Variants in ABCC4 observed in about 807,000 individuals in gnomAD.
ABCC4 encodes ATP binding cassette subfamily C member 4 (PEL blood group), also known as ATP-binding cassette sub-family C member 4.
A neutral mutation model predicts 168.5 loss-of-function variants in ABCC4; 102 were observed. The ratio of observed to expected loss-of-function variants is 0.61; its 90% CI spans 0.52 to 0.71. The LOEUF is 0.71. Among genes scored for constraint, ABCC4 ranks in the 30% least tolerant of loss-of-function variants. The probability of loss-of-function intolerance (pLI) is 0.00; values close to 1 mark genes in which losing one functional copy is unlikely to be tolerated. For missense variants in ABCC4, 1,402 were observed against 1,605.8 expected (o/e 0.87, Z 2.17); for synonymous variants, 617 against 590.7 (o/e 1.04, Z -0.65).
At position 95,092,338 on chromosome 13, in the gene ABCC4, A is replaced by T. The variant is rs369718006; in HGVS notation, c.2536-9048T>A. Among the ~76,000 whole-genome samples the T allele has an allele frequency of 2.3e-4, 35 of 152,326 alleles. No homozygotes were observed. The East Asian group carries it at 5.6e-3, about 24-fold the overall frequency. ...TTAACATACATAAATAGAACATTTC[A>T]TCCAACAACTGCAGAATACACATTC... is the stretch of plus-strand genomic sequence containing the variant. On this transcript the variant is annotated intron_variant, in intron 20 of 30. Transcript: ENST00000645237.
At chr13:95,208,899 C>T (rs1397491092) in intron 6 of ABCC4, among the ~76,000 whole-genome samples, 3 of 152,076 alleles carry the variant, frequency 2.0e-5, no homozygotes, top group Non-Finnish European at 2.9e-5. Context: ...GGATTACAGG[C>T]TTCAGCCACC....
intron 1 of ABCC4, among the ~76,000 whole-genome samples, chr13:95,254,297 C>A (rs1243066119): frequency 2.0e-5 from 3 of 152,106 alleles, no homozygotes; most frequent in African/African-American, 7.2e-5. Flanking sequence ...TAAATCTAGT[C>A]TTAATAAGCT....
At chr13:95,067,805 A>G (rs1189736080) in intron 25 of ABCC4, among the ~76,000 whole-genome samples, 1 of 152,216 alleles carries the variant, frequency 6.6e-6, no homozygotes, top group African/African-American at 2.4e-5. Context: ...AGCTTTGAGC[A>G]AGGAAAAAAA....
chr13:95,175,306 A>T (rs564938308), intron 13 of ABCC4, among the ~76,000 whole-genome samples: 194 of 150,618 alleles, frequency 1.3e-3, no homozygotes, highest in African/African-American at 4.2e-3. Flanking sequence ...CTTTTTTAAA[A>T]TTTTTTTTTT....
intron 19 of ABCC4, among the ~76,000 whole-genome samples, chr13:95,154,980 A>G (rs936285439): frequency 2.0e-5 from 3 of 152,204 alleles, no homozygotes; most frequent in Middle Eastern, 3.2e-3. Flanking sequence ...GGATATGGAC[A>G]TCAGATTTTA....
At chr13:95,287,672 G>A (rs905781958) in intron 1 of ABCC4, among the ~76,000 whole-genome samples, 1 of 151,896 alleles carries the variant, frequency 6.6e-6, no homozygotes, top group Non-Finnish European at 1.5e-5. Context: ...GACCTCTTGA[G>A]GCCATAAATT....
chr13:95,112,537 T>C (rs2035241024), intron 20 of ABCC4, among the ~76,000 whole-genome samples: 1 of 152,186 alleles, frequency 6.6e-6, no homozygotes, highest in Non-Finnish European at 1.5e-5. Flanking sequence ...GATTTTAATC[T>C]TCATTCTATT....
At chr13:95,025,194 CCACACACCCCCACACCCCCCA>C (rs2031357952) in intron 30 of ABCC4, among the ~76,000 whole-genome samples, 1 of 102,070 alleles carries the variant, frequency 9.8e-6, no homozygotes, top group African/African-American at 6.0e-5. Context: ...CACACCCACA[CCACACACCCCCACACCCCCCA>C]CACACCCCCA....
At chr13:95,266,130 G>C (rs2040666961) in intron 1 of ABCC4, 1 of 152,224 alleles carries the variant, frequency 6.6e-6, no homozygotes, top group Non-Finnish European at 1.5e-5. Context: ...GTAAAGAATT[G>C]AATGTTATTT....
At chr13:95,191,118 C>T (rs2038238522) in intron 9 of ABCC4, among the ~76,000 whole-genome samples, 1 of 152,198 alleles carries the variant, frequency 6.6e-6, no homozygotes, top group South Asian at 2.1e-4. Context: ...TACTCATCAA[C>T]CCCTCTCCAC....
chr13:95,170,014 G>C (rs965640718), intron 14 of ABCC4, among the ~76,000 whole-genome samples: 2 of 152,230 alleles, frequency 1.3e-5, no homozygotes, highest in South Asian at 2.1e-4. Flanking sequence ...GCACCATCAT[G>C]CTGGGCTAAT....
intron 20 of ABCC4, among the ~76,000 whole-genome samples, chr13:95,094,500 C>T (rs1408726387): frequency 6.6e-6 from 1 of 152,092 alleles, no homozygotes; most frequent in Non-Finnish European, 1.5e-5. Flanking sequence ...TTATCTCTGA[C>T]CTTATACAAA....
In ABCC4 at chr13:95,075,529, G is replaced by A; in HGVS notation, c.2709C>T (p.His903=). The A allele has an allele frequency of 6.2e-7, 1 of 1,614,112 alleles. No homozygotes were observed. Among genetic ancestry groups the A allele is most frequent in the Non-Finnish European group, 8.5e-7 (1 of 1,179,988 alleles). ...AGAGCCCCTGGAGAGAAGATGATAA[G>A]TGGGAAAACACTGGACTCCGAGCTG... ...ESTTRSPVFS[H]LSSSLQGLWT... Residue 903 remains histidine, a synonymous_variant, in exon 22 of 31, where the codon CAC becomes CAT. Transcript: ENST00000645237.
chr13:95,187,067 T>C (rs908360678), intron 10 of ABCC4, among the ~76,000 whole-genome samples, 175 bp from the exon 11 acceptor site: 3 of 152,196 alleles, frequency 2.0e-5, no homozygotes, highest in Non-Finnish European at 2.9e-5. Context: ...CATAAACTAG[T>C]AGTTTATAAG....
chr13:95,095,272 A>C (rs1478501461), intron 20 of ABCC4, among the ~76,000 whole-genome samples: 1 of 151,136 alleles, frequency 6.6e-6, no homozygotes, highest in Non-Finnish European at 1.5e-5. Context: ...TGAGTGGATA[A>C]AGAAACTGTG....
intron 22 of ABCC4, among the ~76,000 whole-genome samples, chr13:95,074,794 T>C (rs1320012860): frequency 6.6e-6 from 1 of 152,198 alleles, no homozygotes; most frequent in Non-Finnish European, 1.5e-5. Flanking sequence ...CTAACAGGAT[T>C]TGCATGTGGT....
intron 4 of ABCC4, among the ~76,000 whole-genome samples, chr13:95,223,688 G>C (rs573565643): frequency 6.6e-6 from 1 of 152,280 alleles, no homozygotes; most frequent in East Asian, 1.9e-4. Context: ...TTTTAGTAGA[G>C]ATAGGGTTTC....
chr13:95,266,910 C>T (rs2040695963), intron 1 of ABCC4, among the ~76,000 whole-genome samples: 1 of 141,206 alleles, frequency 7.1e-6, no homozygotes, highest in Non-Finnish European at 1.5e-5. Flanking sequence ...CGGAGTTTCG[C>T]CCAGGCTGGA....
chr13:95,159,132 T>TATATATA (rs1486901839), intron 19 of ABCC4, among the ~76,000 whole-genome samples: 1 of 124,390 alleles, frequency 8.0e-6, no homozygotes, highest in Non-Finnish European at 1.7e-5. Context: ...TATATATATA[T>TATATATA]AACTATTGAA....
Sources: allele counts gnomAD v4.1 joint callset (sites outside exome capture counted in the v4.1 genomes callset), GRCh38; gene constraint gnomAD v4.1.1; transcripts MANE v1.5; gene names NCBI Gene and HGNC (gene_info 2026-07-23, HGNC 2026-07-21).